The following BBS9 variants were observed in gnomAD, a reference collection of about 807,000 sequenced individuals.
The protein encoded by BBS9 is Bardet-Biedl syndrome 9.
In BBS9, 89 loss-of-function variants were observed where a neutral mutation model predicts 117.7. The ratio of observed to expected loss-of-function variants is 0.76; its 90% CI spans 0.64 to 0.90. The LOEUF is 0.90. Ranked by LOEUF, BBS9 falls within the 40% of genes least tolerant of loss-of-function variation. BBS9 has a pLI of 0.00. For missense variants in BBS9, 982 were observed against 1,042.2 expected, an observed-to-expected ratio of 0.94 and a Z score of 0.80; for synonymous variants, 379 against 370.9, an observed-to-expected ratio of 1.02 and a Z score of -0.25.
At chr7:33,296,492 G>A (rs539268357) in intron 9 of BBS9, among the ~76,000 whole-genome samples, 14 of 152,194 alleles carry the variant, frequency 9.2e-5, no homozygotes, top group African/African-American at 3.4e-4. Flanking sequence ...TTTAAGTCAA[G>A]GAATAATCAC....
intron 21 of BBS9, among the ~76,000 whole-genome samples, chr7:33,573,241 T>C (rs1445907167): frequency 6.6e-6 from 1 of 152,116 alleles, no homozygotes; most frequent in African/African-American, 2.4e-5. Flanking sequence ...TAGGATATTA[T>C]TAAGAAACCA....
At chr7:33,164,150 T>C (rs1795296981) in intron 4 of BBS9, among the ~76,000 whole-genome samples, 1 of 152,208 alleles carries the variant, frequency 6.6e-6, no homozygotes, top group South Asian at 2.1e-4. Flanking sequence ...TTTGAATGAG[T>C]TTCTTAATCC....
chr7:33,231,428 C>CTTTTTTTTTTTTTTTTTTT lies in BBS9; in HGVS notation c.443-25791_443-25790insTTTTTTTTTTTTTTTTTTT, dbSNP rs35407590. ...TATTCTGTTCCTCTGGCCTATGTGT[C>CTTTTTTTTTTTTTTTTTTT]TTTTTTTTTTTTTTTTTGCCAGGAC... On this transcript the variant is annotated intron_variant, in intron 5 of 22. Coordinates refer to ENST00000242067, the MANE Select transcript of BBS9 (RefSeq NM_198428.3). Among the ~76,000 whole-genome samples, 367 of 106,230 alleles carry CTTTTTTTTTTTTTTTTTTT rather than the reference C, an allele frequency of 3.5e-3. 9 individuals carry two copies. Among genetic ancestry groups the CTTTTTTTTTTTTTTTTTTT allele is most frequent in the South Asian group, 6.5e-3 (19 of 2,924 alleles). 69.7% of individuals were successfully genotyped at this position (106,230 alleles called of 152,430 possible). A position where few individuals can be genotyped will look rare whatever the true frequency, so the allele number is the denominator to read the frequency against.
chr7:33,411,585 T>G (rs559988993), intron 19 of BBS9, among the ~76,000 whole-genome samples: 1 of 152,204 alleles, frequency 6.6e-6, no homozygotes, highest in South Asian at 2.1e-4. Flanking sequence ...TTATATAAAC[T>G]TATATATGTA....
intron 21 of BBS9, among the ~76,000 whole-genome samples, chr7:33,545,035 AC>A (rs1853067207): frequency 6.6e-6 from 1 of 152,002 alleles, no homozygotes; most frequent in South Asian, 2.1e-4. Flanking sequence ...CTGGTCTCAC[AC>A]CCACCATGCC....
At chr7:33,327,626 T>G (rs984068559) in intron 9 of BBS9, among the ~76,000 whole-genome samples, 1 of 152,158 alleles carries the variant, frequency 6.6e-6, no homozygotes, top group Non-Finnish European at 1.5e-5. Flanking sequence ...GCCCTGGAGT[T>G]TGAGTTACAG....
intron 1 of BBS9, among the ~76,000 whole-genome samples, chr7:33,144,062 A>C (rs529031045): frequency 6.6e-6 from 1 of 152,118 alleles, no homozygotes; most frequent in Non-Finnish European, 1.5e-5. Context: ...AATCATCACA[A>C]CACCACTCTT....
chr7:33,440,093 G>A (rs1268793317), intron 19 of BBS9, among the ~76,000 whole-genome samples: 3 of 152,134 alleles, frequency 2.0e-5, no homozygotes, highest in Non-Finnish European at 4.4e-5. Flanking sequence ...TTCCAGCTTT[G>A]TGATCATGGA....
intron 19 of BBS9, among the ~76,000 whole-genome samples, chr7:33,474,063 G>A (rs948952607): frequency 2.6e-5 from 4 of 152,166 alleles, no homozygotes; most frequent in Non-Finnish European, 5.9e-5. Context: ...AATCCAAATT[G>A]TGGTCTCTTT....
At chr7:33,469,302 C>T (rs759316039) in intron 19 of BBS9, among the ~76,000 whole-genome samples, 2 of 152,108 alleles carry the variant, frequency 1.3e-5, no homozygotes, top group Non-Finnish European at 2.9e-5. Flanking sequence ...ATGTCTTTTC[C>T]CCCTATCTAG....
chr7:33,141,358 T>C (rs1791431512), intron 1 of BBS9, among the ~76,000 whole-genome samples: 1 of 151,964 alleles, frequency 6.6e-6, no homozygotes, highest in African/African-American at 2.4e-5. Context: ...GAGGTAGAGG[T>C]TGCAGTGAGT....
chr7:33,462,120 A>G (rs1002647983), intron 19 of BBS9, among the ~76,000 whole-genome samples: 1 of 152,092 alleles, frequency 6.6e-6, no homozygotes, highest in Non-Finnish European at 1.5e-5. Context: ...ATCAAAATCT[A>G]AAACCTTGAC....
chr7:33,536,104 TGAAAA>T (rs1425526119), intron 21 of BBS9, among the ~76,000 whole-genome samples: 5 of 152,036 alleles, frequency 3.3e-5, no homozygotes, highest in African/African-American at 1.2e-4. Flanking sequence ...GAGAAAGAAA[TGAAAA>T]GAAGAAAGAT....
intron 21 of BBS9, among the ~76,000 whole-genome samples, chr7:33,617,840 G>A (rs914363161): frequency 2.6e-5 from 4 of 152,104 alleles, no homozygotes; most frequent in Non-Finnish European, 5.9e-5. Flanking sequence ...TTGAGATTAC[G>A]CAGTTTGAGG....
intron 21 of BBS9, among the ~76,000 whole-genome samples, chr7:33,629,198 C>G (rs1003511864): frequency 2.0e-5 from 3 of 152,218 alleles, no homozygotes; most frequent in Non-Finnish European, 4.4e-5. Context: ...AGTCCCCATA[C>G]AGGGGCAAAA....
intron 19 of BBS9, among the ~76,000 whole-genome samples, chr7:33,483,702 C>A (rs1033971488): frequency 2.0e-5 from 3 of 152,078 alleles, no homozygotes; most frequent in Admixed American, 2.0e-4. Flanking sequence ...GTGATCATGC[C>A]TCACTGCAGC....
At chr7:33,470,563 T>C (rs1200182983) in intron 19 of BBS9, among the ~76,000 whole-genome samples, 1 of 152,206 alleles carries the variant, frequency 6.6e-6, no homozygotes. Flanking sequence ...ATATGTACGA[T>C]GCCAACGATC....
At chr7:33,439,809 G>A (rs1260641778) in intron 19 of BBS9, among the ~76,000 whole-genome samples, 1 of 152,184 alleles carries the variant, frequency 6.6e-6, no homozygotes, top group Non-Finnish European at 1.5e-5. Flanking sequence ...TTACAGGCGT[G>A]AGCCACTGCG....
intron 1 of BBS9, among the ~76,000 whole-genome samples, chr7:33,143,426 T>G (rs1383580050): frequency 6.6e-6 from 1 of 152,096 alleles, no homozygotes; most frequent in Admixed American, 6.5e-5. Context: ...CATTCTTAGG[T>G]CGAATATATT....
Sources: allele counts gnomAD v4.1 joint callset (sites outside exome capture counted in the v4.1 genomes callset), GRCh38; gene constraint gnomAD v4.1.1; transcripts MANE v1.5; gene names NCBI Gene and HGNC (gene_info 2026-07-23, HGNC 2026-07-21).